Variants in GRXCR1 observed in about 807,000 individuals in gnomAD.
GRXCR1 encodes glutaredoxin domain-containing cysteine-rich protein 1.
In GRXCR1, 27 loss-of-function variants were observed where a neutral mutation model predicts 27.3. The observed-to-expected ratio is 0.99, with a 90% CI of 0.73 to 1.37. GRXCR1 has a LOEUF of 1.37. Ranked by LOEUF, GRXCR1 falls within the 40% of genes most tolerant of loss-of-function variation. The pLI is 0.00. For synonymous variants in GRXCR1, 122 were observed against 131.1 expected (o/e 0.93, Z 0.47); for missense variants, 379 against 354.4 (o/e 1.07, Z -0.56).
At chr4:42,974,334 C>A (rs1748457715) in intron 2 of GRXCR1, among the ~76,000 whole-genome samples, 1 of 152,058 alleles carries the variant, frequency 6.6e-6, no homozygotes, top group African/African-American at 2.4e-5. Flanking sequence ...AGTAGTTTCA[C>A]TGGTTTGAAG....
chr4:42,989,322 C>G (rs567681617), intron 2 of GRXCR1, among the ~76,000 whole-genome samples: 3 of 152,020 alleles, frequency 2.0e-5, no homozygotes, highest in African/African-American at 7.3e-5. Context: ...TTCCTATTGT[C>G]TCTTCTTCAT....
chr4:42,991,803 C>T (rs1381972184), intron 2 of GRXCR1, among the ~76,000 whole-genome samples: 1 of 152,052 alleles, frequency 6.6e-6, no homozygotes, highest in Non-Finnish European at 1.5e-5. Context: ...TTCACTCCTC[C>T]CCACCAGAAG....
intron 2 of GRXCR1, among the ~76,000 whole-genome samples, chr4:42,990,886 T>C (rs1711950790): frequency 6.6e-6 from 1 of 152,158 alleles, no homozygotes; most frequent in Non-Finnish European, 1.5e-5. Context: ...AATTACATCA[T>C]AATTATTCCA....
chr4:43,018,122 G>C (rs1712985018), intron 2 of GRXCR1, among the ~76,000 whole-genome samples: 1 of 152,170 alleles, frequency 6.6e-6, no homozygotes, highest in Admixed American at 6.5e-5. Context: ...GCTTGGTAAT[G>C]ACAGGGTCAA....
chr4:42,924,867 C>T (rs1304246154), intron 1 of GRXCR1, among the ~76,000 whole-genome samples: 1 of 152,006 alleles, frequency 6.6e-6, no homozygotes, highest in Non-Finnish European at 1.5e-5. Flanking sequence ...CATATTACAT[C>T]TGGCGTCAGG....
intron 2 of GRXCR1, among the ~76,000 whole-genome samples, chr4:42,968,773 G>GT (rs957611731): frequency 2.6e-4 from 40 of 151,328 alleles, no homozygotes; most frequent in East Asian, 2.1e-3. Flanking sequence ...TTTTCAAAGA[G>GT]TTTTTTTTTA....
intron 1 of GRXCR1, among the ~76,000 whole-genome samples, chr4:42,961,662 T>C (rs906080843): frequency 2.6e-5 from 4 of 152,004 alleles, no homozygotes; most frequent in Non-Finnish European, 5.9e-5. Context: ...CACTCTATTG[T>C]GGAAAGAAAT....
intron 3 of GRXCR1, among the ~76,000 whole-genome samples, chr4:43,021,486 C>T (rs552428742): frequency 6.6e-6 from 1 of 151,286 alleles, no homozygotes; most frequent in Admixed American, 6.5e-5. Context: ...ATGTTTTATT[C>T]ATATTGTGAC....
At chr4:42,972,414 T>C (rs1243448150) in intron 2 of GRXCR1, among the ~76,000 whole-genome samples, 1 of 152,166 alleles carries the variant, frequency 6.6e-6, no homozygotes, top group Non-Finnish European at 1.5e-5. Context: ...AGCCACGAAG[T>C]GTTTGTTCTG....
In GRXCR1 at chr4:42,893,178, T is replaced by G. The variant is rs1053330498; in HGVS notation, c.-89T>G. On this transcript the variant is annotated 5_prime_UTR_variant, in exon 1 of 4. It adds an upstream start codon to the 5' untranslated region. Coordinates refer to ENST00000399770, the MANE Select transcript of GRXCR1 (RefSeq NM_001080476.3). ...ACAGGAGTGCTGCCATCACTAGAAT[T>G]GGCTCTGATATTGCTATCTGGCAAG... The G allele has an allele frequency of 7.8e-6, 11 of 1,415,264 alleles. No individual in the cohort carries two copies. In the African/African-American group the frequency reaches 9.9e-5, roughly 13 times the overall value. 87.7% of individuals were successfully genotyped at this position (1,415,264 alleles called of 1,614,324 possible). A position where few individuals can be genotyped will look rare whatever the true frequency, so the allele number is the denominator to read the frequency against.
chr4:42,902,393 T>C (rs548460557), intron 1 of GRXCR1, among the ~76,000 whole-genome samples: 1 of 152,278 alleles, frequency 6.6e-6, no homozygotes, highest in East Asian at 1.9e-4. Context: ...AGTGACCCTG[T>C]TACTGCATTA....
chr4:42,932,619 T>TAGAGAGAGAGAGAGAG (rs762758381), intron 1 of GRXCR1, among the ~76,000 whole-genome samples: 4 of 22,920 alleles, frequency 1.7e-4, no homozygotes, highest in South Asian at 2.1e-3. Flanking sequence ...TATATATATA[T>TAGAGAGAGAGAGAGAG]AGAGAGAGAG....
intron 1 of GRXCR1, among the ~76,000 whole-genome samples, chr4:42,904,744 C>G (rs1022804311): frequency 2.6e-5 from 4 of 152,070 alleles, no homozygotes; most frequent in African/African-American, 9.7e-5. Flanking sequence ...GAATCAAATA[C>G]TACTAAGTAT....
chr4:42,951,858 C>G (rs1459075329), intron 1 of GRXCR1, among the ~76,000 whole-genome samples: 5 of 152,084 alleles, frequency 3.3e-5, no homozygotes, highest in Admixed American at 2.6e-4. Context: ...TTGCATTTGC[C>G]TAATAATCAG....
At chr4:43,011,994 G>A (rs961599431) in intron 2 of GRXCR1, among the ~76,000 whole-genome samples, 4 of 152,134 alleles carry the variant, frequency 2.6e-5, no homozygotes, top group East Asian at 1.9e-4. Context: ...TCCCTCCTGC[G>A]AATGGAATTT....
At chr4:43,004,319 G>A (rs1712479623) in intron 2 of GRXCR1, among the ~76,000 whole-genome samples, 1 of 152,338 alleles carries the variant, frequency 6.6e-6, no homozygotes, top group South Asian at 2.1e-4. Flanking sequence ...GTCTGCTGGA[G>A]GGGTGGAGCC....
At chr4:42,906,975 A>G (rs1329759628) in intron 1 of GRXCR1, among the ~76,000 whole-genome samples, 1 of 152,162 alleles carries the variant, frequency 6.6e-6, no homozygotes, top group Non-Finnish European at 1.5e-5. Context: ...CTTCGTGTTA[A>G]ATTGAGTTCC....
chr4:43,013,236 A>G (rs1237383025), intron 2 of GRXCR1, among the ~76,000 whole-genome samples: 10 of 152,354 alleles, frequency 6.6e-5, no homozygotes, highest in African/African-American at 2.4e-4. Context: ...AGCACTATTC[A>G]CAATAGCAAA....
intron 2 of GRXCR1, among the ~76,000 whole-genome samples, chr4:43,007,464 T>C (rs1353732534): frequency 6.6e-6 from 1 of 152,162 alleles, no homozygotes; most frequent in East Asian, 1.9e-4. Context: ...ATTTAATGTT[T>C]TTAATCAGGA....
Sources: gnomAD v4.1 joint callset for allele counts (sites outside exome capture counted in the v4.1 genomes callset) on GRCh38, gnomAD v4.1.1 for gene constraint, MANE v1.5 for transcripts, NCBI Gene and HGNC (gene_info 2026-07-23, HGNC 2026-07-21) for gene names.